Variants in ABTB3 observed in about 807,000 individuals in gnomAD.
ABTB3 encodes ankyrin repeat and BTB domain containing 3.
the ABTB3 span, among the ~76,000 whole-genome samples, chr12:107,394,794 A>G: frequency 1.1e-4 from 16 of 152,174 alleles, no homozygotes; most frequent in Non-Finnish European, 1.9e-4. Flanking sequence ...CCTCCTCCTC[A>G]TCATCATTAT....
At chr12:107,512,786 T>C in the ABTB3 span, among the ~76,000 whole-genome samples, 1 of 152,194 alleles carries the variant, frequency 6.6e-6, no homozygotes, top group Admixed American at 6.5e-5. Context: ...GTAGAGATAA[T>C]AATGGCAAAT....
chr12:107,387,744 T>G, the ABTB3 span, among the ~76,000 whole-genome samples: 1 of 152,172 alleles, frequency 6.6e-6, no homozygotes, highest in African/African-American at 2.4e-5. Context: ...CAGTGACTCC[T>G]TCCTCAGAAC....
At chr12:107,495,208 G>C in the ABTB3 span, among the ~76,000 whole-genome samples, 1 of 152,192 alleles carries the variant, frequency 6.6e-6, no homozygotes, top group African/African-American at 2.4e-5. Flanking sequence ...AGCTGGAGTC[G>C]TTACATTTGG....
chr12:107,470,872 C>T, the ABTB3 span, among the ~76,000 whole-genome samples: 2 of 152,138 alleles, frequency 1.3e-5, no homozygotes, highest in Admixed American at 6.5e-5. Flanking sequence ...GACACCTCAC[C>T]AGCCAGCTGG....
chr12:107,604,036 G>A, the ABTB3 span, among the ~76,000 whole-genome samples: 2 of 152,082 alleles, frequency 1.3e-5, no homozygotes, highest in African/African-American at 4.8e-5. Flanking sequence ...AGGTGTGGTG[G>A]CGGGCACCTG....
the ABTB3 span, among the ~76,000 whole-genome samples, chr12:107,632,318 C>T: frequency 2.0e-5 from 3 of 152,206 alleles, no homozygotes; most frequent in East Asian, 5.8e-4. Context: ...GTTCTTATTG[C>T]TTCACTCGGA....
chr12:107,494,534 C>T, the ABTB3 span, among the ~76,000 whole-genome samples: 1 of 152,258 alleles, frequency 6.6e-6, no homozygotes, highest in South Asian at 2.1e-4. Context: ...GGCCAGGGAG[C>T]CAAATGGCCC....
At chr12:107,368,546 CATT>C in the ABTB3 span, among the ~76,000 whole-genome samples, 1 of 152,036 alleles carries the variant, frequency 6.6e-6, no homozygotes, top group Non-Finnish European at 1.5e-5. Flanking sequence ...ATAATGTTGT[CATT>C]ATGGGAACAA....
chr12:107,372,778 T>G, the ABTB3 span, among the ~76,000 whole-genome samples: 9 of 152,210 alleles, frequency 5.9e-5, no homozygotes, highest in Non-Finnish European at 1.2e-4. Flanking sequence ...TTTTCTTACT[T>G]TATTTTTTGT....
chr12:107,614,392 G>A, the ABTB3 span, among the ~76,000 whole-genome samples: 3 of 152,092 alleles, frequency 2.0e-5, no homozygotes, highest in African/African-American at 7.2e-5. Flanking sequence ...ATGAGAACAG[G>A]GTGGGGCCAG....
At chr12:107,649,488 T>C in the ABTB3 span, 1 of 551,380 alleles carries the variant, frequency 1.8e-6, no homozygotes, top group Non-Finnish European at 3.3e-6. Flanking sequence ...CAGGCTGGGG[T>C]GCTAGTGCAC....
the ABTB3 span, among the ~76,000 whole-genome samples, chr12:107,608,242 G>A: frequency 6.6e-6 from 1 of 152,140 alleles, no homozygotes; most frequent in Non-Finnish European, 1.5e-5. Flanking sequence ...TCACACTTTG[G>A]CAGTGGTTTC....
chr12:107,475,001 T>C, the ABTB3 span, among the ~76,000 whole-genome samples: 1 of 152,152 alleles, frequency 6.6e-6, no homozygotes, highest in Non-Finnish European at 1.5e-5. Flanking sequence ...CCCCTGACTG[T>C]CCTCCTGGTT....
At chr12:107,363,440 A>G in the ABTB3 span, among the ~76,000 whole-genome samples, 3 of 152,250 alleles carry the variant, frequency 2.0e-5, no homozygotes, top group African/African-American at 7.2e-5. Flanking sequence ...AATCTGTTAA[A>G]GAAATAATTT....
At chr12:107,610,167 A>C in the ABTB3 span, 1 of 1,614,084 alleles carries the variant, frequency 6.2e-7, no homozygotes, top group Non-Finnish European at 8.5e-7. Context: ...CTGTACCCGC[A>C]TGATGTCTCT....
At chr12:107,451,453 T>C in the ABTB3 span, among the ~76,000 whole-genome samples, 1 of 152,178 alleles carries the variant, frequency 6.6e-6, no homozygotes, top group Non-Finnish European at 1.5e-5. Context: ...CTGGAGTTAA[T>C]AAATAACTAT....
chr12:107,320,061 G>A, the ABTB3 span: 2 of 1,501,544 alleles, frequency 1.3e-6, no homozygotes, highest in Non-Finnish European at 9.0e-7. Context: ...CTGATCTGCG[G>A]GAAGAACGCC....
the ABTB3 span, among the ~76,000 whole-genome samples, chr12:107,469,636 C>T: frequency 1.3e-5 from 2 of 152,128 alleles, no homozygotes; most frequent in African/African-American, 4.8e-5. Context: ...TTGAGGTTCC[C>T]CCAGCAGCAG....
At chr12:107,452,202 A>ATTTTTTTTTT in the ABTB3 span, among the ~76,000 whole-genome samples, 1 of 110,206 alleles carries the variant, frequency 9.1e-6, no homozygotes, top group Non-Finnish European at 1.8e-5. Flanking sequence ...GCCCATATGA[A>ATTTTTTTTTT]TTTTTTTTTT....
Sources: gnomAD v4.1 joint callset for allele counts (sites outside exome capture counted in the v4.1 genomes callset) on GRCh38, gnomAD v4.1.1 for gene constraint, MANE v1.5 for transcripts, NCBI Gene and HGNC (gene_info 2026-07-23, HGNC 2026-07-21) for gene names.